IMMP1L: variants seen among roughly 807,000 people sequenced by gnomAD.
The protein encoded by IMMP1L is mitochondrial inner membrane protease subunit 1.
IMMP1L carries 24 observed loss-of-function variants against 21.8 expected under a neutral mutation model. That is an observed-to-expected ratio of 1.10 (90% CI 0.80 to 1.55). The LOEUF (loss-of-function observed/expected upper bound fraction) is 1.55, where lower values mean the gene tolerates loss of function less well. Ranked by LOEUF, IMMP1L falls within the 40% of genes most tolerant of loss-of-function variation. The pLI is 0.00. For synonymous variants in IMMP1L, 46 were observed against 62.8 expected (o/e 0.73, Z 1.26); for missense variants, 195 against 200.7 (o/e 0.97, Z 0.17).
At chr11:31,489,185 C>G (rs145777783) in intron 1 of IMMP1L, among the ~76,000 whole-genome samples, 1 of 152,054 alleles carries the variant, frequency 6.6e-6, no homozygotes, top group Non-Finnish European at 1.5e-5. Flanking sequence ...GCATGAGTCA[C>G]CGCACCCGGC....
chr11:31,444,978 T>C (rs1232537175), intron 4 of IMMP1L, among the ~76,000 whole-genome samples: 1 of 152,196 alleles, frequency 6.6e-6, no homozygotes, highest in African/African-American at 2.4e-5. Context: ...CCAATACTAT[T>C]GTCCCTGTGT....
intron 4 of IMMP1L, among the ~76,000 whole-genome samples, chr11:31,435,658 A>T (rs1423389383): frequency 6.6e-6 from 1 of 152,024 alleles, no homozygotes; most frequent in Non-Finnish European, 1.5e-5. Context: ...CTTCTCTGTG[A>T]TATCTTTTTG....
chr11:31,499,569 T>C (rs1955552688), intron 1 of IMMP1L, among the ~76,000 whole-genome samples: 2 of 152,160 alleles, frequency 1.3e-5, no homozygotes, highest in South Asian at 4.1e-4. Context: ...TAGCAAATTA[T>C]AGTTCACAGG....
intron 1 of IMMP1L, among the ~76,000 whole-genome samples, chr11:31,486,645 G>C (rs1955088562): frequency 6.6e-6 from 1 of 151,912 alleles, no homozygotes; most frequent in Non-Finnish European, 1.5e-5. Context: ...TCTCAGCAAT[G>C]TCATCAAATA....
At chr11:31,470,755 A>T (rs1416567046) in intron 1 of IMMP1L, among the ~76,000 whole-genome samples, 1 of 152,204 alleles carries the variant, frequency 6.6e-6, no homozygotes, top group Non-Finnish European at 1.5e-5. Context: ...AATAAAGAAA[A>T]TGTGGTATAT....
In IMMP1L at chr11:31,481,134, C is replaced by T. The variant is rs146511849; in HGVS notation, c.-29-17829G>A. Reference sequence around the variant, plus strand: ...CCATCACCACAGCTAGGGAAAACCTCCTTGTGATCTCTGGTTTCTGTTCAG... The same window carrying T: ...CCATCACCACAGCTAGGGAAAACCTTCTTGTGATCTCTGGTTTCTGTTCAG... On this transcript the variant is annotated intron_variant, in intron 1 of 5. Transcript: ENST00000532287. 7.1e-3 allele frequency among the ~76,000 whole-genome samples: 1,081 copies of T among 152,180 alleles called. 5 individuals are homozygous for T. The highest frequency in any genetic ancestry group is 9.8e-3 in the Non-Finnish European group (663 of 67,970).
At chr11:31,466,619 C>A (rs1166919070) in intron 1 of IMMP1L, among the ~76,000 whole-genome samples, 2 of 152,062 alleles carry the variant, frequency 1.3e-5, no homozygotes, top group Non-Finnish European at 2.9e-5. Flanking sequence ...ACATGAATGA[C>A]CCTGGGGCAC....
chr11:31,466,635 G>A (rs1954362452), intron 1 of IMMP1L, among the ~76,000 whole-genome samples: 2 of 152,046 alleles, frequency 1.3e-5, no homozygotes, highest in South Asian at 4.1e-4. Flanking sequence ...GGCACATTAT[G>A]TTAAGAGAAA....
rs1953980714 is a variant in IMMP1L, at chr11:31,457,310, T to G, written c.195-924A>C. On this transcript the variant is annotated intron_variant, in intron 3 of 5. Coordinates refer to ENST00000532287, the MANE Select transcript of IMMP1L (RefSeq NM_001304274.2). ...ATGGAAGAACTGACAATCTATCTGGTAATAAAAAATAAGAAAGATCCTAAA... is the reference window on the plus strand; with the variant it reads ...ATGGAAGAACTGACAATCTATCTGGGAATAAAAAATAAGAAAGATCCTAAA... Among the ~76,000 whole-genome samples the G allele has an allele frequency of 2.0e-5, 3 of 152,024 alleles. No homozygotes were observed. The South Asian group carries it at 6.2e-4, about 31-fold the overall frequency.
At chr11:31,448,277 C>T (rs983089060) in intron 4 of IMMP1L, among the ~76,000 whole-genome samples, 1 of 152,036 alleles carries the variant, frequency 6.6e-6, no homozygotes, top group Non-Finnish European at 1.5e-5. Flanking sequence ...CACTGCAGTC[C>T]AACCTGGGTT....
At chr11:31,461,647 G>C (rs1352014592) in intron 2 of IMMP1L, among the ~76,000 whole-genome samples, 1 of 152,082 alleles carries the variant, frequency 6.6e-6, no homozygotes, top group East Asian at 1.9e-4. Flanking sequence ...CTTTAAAATA[G>C]TGTATAACAT....
intron 4 of IMMP1L, among the ~76,000 whole-genome samples, chr11:31,450,186 ATAG>A (rs1218715264): frequency 6.6e-6 from 1 of 152,234 alleles, no homozygotes. Flanking sequence ...AATTATCTGT[ATAG>A]TAGTTCAATA....
intron 1 of IMMP1L, among the ~76,000 whole-genome samples, chr11:31,489,524 C>A (rs946699481): frequency 6.6e-6 from 1 of 152,126 alleles, no homozygotes; most frequent in Non-Finnish European, 1.5e-5. Flanking sequence ...CTGAGAGAAA[C>A]TCTGATATAT....
chr11:31,452,323 A>G (rs935316429), intron 4 of IMMP1L: 4 of 983,662 alleles, frequency 4.1e-6, no homozygotes, highest in Non-Finnish European at 4.8e-6. Context: ...ACTAATAAAC[A>G]TTATGAGTGC....
chr11:31,493,174 A>G (rs1291242194), intron 1 of IMMP1L, among the ~76,000 whole-genome samples: 1 of 152,210 alleles, frequency 6.6e-6, no homozygotes, highest in Admixed American at 6.5e-5. Flanking sequence ...TCATGCTGCT[A>G]TAAAGAACTG....
chr11:31,476,696 C>G (rs1212192144), intron 1 of IMMP1L, among the ~76,000 whole-genome samples: 1 of 151,974 alleles, frequency 6.6e-6, no homozygotes, highest in Non-Finnish European at 1.5e-5. Context: ...ATTAAGTACT[C>G]TAAGATCATA....
chr11:31,461,747 G>A (rs1356986589), intron 2 of IMMP1L, among the ~76,000 whole-genome samples: 2 of 152,074 alleles, frequency 1.3e-5, no homozygotes, highest in Admixed American at 1.3e-4. Flanking sequence ...ATCTCATTAT[G>A]TATATGCAAA....
chr11:31,454,449 C>CAAA (rs71463320), intron 4 of IMMP1L, among the ~76,000 whole-genome samples: 565 of 30,380 alleles, frequency 0.019, 76 homozygotes, highest in South Asian at 0.036. Context: ...AAGACCATGT[C>CAAA]AAAAAAAAAA....
intron 4 of IMMP1L, among the ~76,000 whole-genome samples, chr11:31,448,678 T>A (rs1210065875): frequency 1.3e-5 from 2 of 152,232 alleles, no homozygotes; most frequent in African/African-American, 4.8e-5. Flanking sequence ...GAGATGCTGA[T>A]CTTCATATAT....
Sources: gnomAD v4.1 joint callset for allele counts (sites outside exome capture counted in the v4.1 genomes callset) on GRCh38, gnomAD v4.1.1 for gene constraint, MANE v1.5 for transcripts, NCBI Gene and HGNC (gene_info 2026-07-23, HGNC 2026-07-21) for gene names.